The following PDCD1LG2 variants were observed in gnomAD, a reference collection of about 807,000 sequenced individuals.
PDCD1LG2 encodes B7 dendritic cell molecule.
PDCD1LG2 carries 32 observed loss-of-function variants against 28.2 expected under a neutral mutation model. The ratio of observed to expected loss-of-function variants is 1.13; its 90% confidence interval spans 0.86 to 1.52. PDCD1LG2 has a LOEUF of 1.52. Among genes scored for constraint, PDCD1LG2 ranks in the 40% most tolerant of loss-of-function variants. The pLI is 0.00. For synonymous variants in PDCD1LG2, 116 were observed against 120.2 expected (o/e 0.97, Z 0.23); for missense variants, 385 against 323.8 (o/e 1.19, Z -1.45).
At chr9:5,557,881 G>A in intron 5 of PDCD1LG2, 129 bp downstream of exon 5, 1 of 1,163,736 alleles carries the variant, frequency 8.6e-7, no homozygotes, top group Admixed American at 2.2e-5. Flanking sequence ...ACCACTTTGA[G>A]CTTGTCTTGA....
At chr9:5,514,685 G>A (rs1474137743) in intron 1 of PDCD1LG2, among the ~76,000 whole-genome samples, 2 of 146,494 alleles carry the variant, frequency 1.4e-5, no homozygotes, top group East Asian at 4.2e-4. Flanking sequence ...TTGAGGCCAG[G>A]AATTCGAGGC....
At chr9:5,528,066 G>A (rs12337900) in intron 2 of PDCD1LG2, among the ~76,000 whole-genome samples, 19 of 151,756 alleles carry the variant, frequency 1.3e-4, no homozygotes, top group African/African-American at 4.1e-4. Context: ...CTGACCTCAG[G>A]TGATCCACCC....
At chr9:5,529,483 G>A (rs1347658358) in intron 2 of PDCD1LG2, among the ~76,000 whole-genome samples, 2 of 151,912 alleles carry the variant, frequency 1.3e-5, no homozygotes, top group Non-Finnish European at 2.9e-5. Context: ...TCTATTTCTG[G>A]ACTTTTTGTT....
rs573614222 is a variant in PDCD1LG2 at position 5,524,381 on chromosome 9, C to T, written c.55+1780C>T. ...ATTGAATGTTTATTCTGGATATTCA[C>T]AGAATCAAAAAATATGTGTAATGAA... On this transcript the variant is annotated intron_variant, in intron 2 of 6. Transcript: ENST00000397747. Among the ~76,000 whole-genome samples, 10 of 152,250 alleles carry T rather than the reference C, an allele frequency of 6.6e-5. No individual in the cohort carries two copies. The South Asian group carries it at 1.5e-3, about 22-fold the overall frequency.
In PDCD1LG2 at chr9:5,534,978, G is replaced by A. The variant is rs201840318; in HGVS notation, c.289G>A (p.Glu97Lys). The change falls in exon 3 of 7, where the codon GAA (glutamate) becomes AAA (lysine). Residue 97 changes from glutamate (E) to lysine (K), a missense_variant. Transcript: ENST00000397747. ...CATACCTCAAGTCCAAGTGAGGGAC[G>A]AAGGACAGTACCAATGCATAATCAT... ...FHIPQVQVRD[E>K]GQYQCIIIYG... The A allele has an allele frequency of 9.3e-6, 15 of 1,614,110 alleles. No individual in the cohort carries two copies. Among genetic ancestry groups the A allele is most frequent in the Admixed American group, 6.7e-5 (4 of 60,028 alleles).
chr9:5,535,042 A>G lies in PDCD1LG2; in HGVS notation c.353A>G (p.Lys118Arg), dbSNP rs1820554446. 1.2e-6 allele frequency: 2 copies of G among 1,605,140 alleles called. No individual in the cohort carries two copies. Among genetic ancestry groups the G allele is most frequent in the Non-Finnish European group, 1.7e-6 (2 of 1,174,740 alleles). ...VAWDYKYLTL[K>R]VKASYRKINT... ...TGGGACTACAAGTACCTGACTCTGA[A>G]AGTCAAAGGTGAGTGGTGTCAAGGA... is the stretch of plus-strand genomic sequence containing the variant. Residue 118 changes from lysine (K) to arginine (R), a missense_variant, in exon 3 of 7, where the codon AAA becomes AGA. Coordinates refer to ENST00000397747, the MANE Select transcript of PDCD1LG2 (RefSeq NM_025239.4).
At chr9:5,559,430 G>T (rs556660044) in intron 5 of PDCD1LG2, among the ~76,000 whole-genome samples, 1 of 152,240 alleles carries the variant, frequency 6.6e-6, no homozygotes, top group East Asian at 1.9e-4. Context: ...CATGGAAAAG[G>T]GTTGAGAACT....
Position 5,524,884 on chromosome 9 carries a change from C to T in PDCD1LG2, c.55+2283C>T, listed in dbSNP as rs751763335. 6.6e-5 allele frequency among the ~76,000 whole-genome samples: 10 copies of T among 152,242 alleles called. No homozygotes were observed. In the East Asian group the frequency reaches 1.9e-3, roughly 29 times the overall value. On this transcript the variant is annotated intron_variant, in intron 2 of 6. Transcript: ENST00000397747. Reference sequence around the variant, plus strand: ...GCAACACTCAGTGCCTGAGACAGAGCTACAGCTATCAGGGTGTCCAGACAG... The same window carrying T: ...GCAACACTCAGTGCCTGAGACAGAGTTACAGCTATCAGGGTGTCCAGACAG...
At chr9:5,534,240 T>C (rs1259232286) in intron 2 of PDCD1LG2, among the ~76,000 whole-genome samples, 1 of 152,176 alleles carries the variant, frequency 6.6e-6, no homozygotes, top group Non-Finnish European at 1.5e-5. Flanking sequence ...GAGGAAGTGA[T>C]ACCTGGCACA....
intron 3 of PDCD1LG2, among the ~76,000 whole-genome samples, chr9:5,546,640 T>C (rs915224865): frequency 5.9e-5 from 9 of 152,174 alleles, no homozygotes; most frequent in African/African-American, 1.9e-4. Flanking sequence ...CTCTATCTGC[T>C]TATGTTGCAC....
At chr9:5,519,659 G>A (rs1158590626) in intron 1 of PDCD1LG2, among the ~76,000 whole-genome samples, 1 of 152,158 alleles carries the variant, frequency 6.6e-6, no homozygotes, top group Non-Finnish European at 1.5e-5. Flanking sequence ...CTGCATTGAT[G>A]ACTCCTAAAT....
intron 5 of PDCD1LG2, among the ~76,000 whole-genome samples, chr9:5,561,960 C>G (rs931586705): frequency 4.6e-5 from 7 of 152,170 alleles, no homozygotes; most frequent in African/African-American, 1.7e-4. Flanking sequence ...AACCATTGGG[C>G]TCCTTTCAAA....
At chr9:5,511,545 T>C (rs916858543) in intron 1 of PDCD1LG2, among the ~76,000 whole-genome samples, 2 of 152,180 alleles carry the variant, frequency 1.3e-5, no homozygotes, top group Non-Finnish European at 1.5e-5. Flanking sequence ...AAAAATACTA[T>C]GGCTCTGAGG....
chr9:5,558,092 A>G (rs1816483069), intron 5 of PDCD1LG2, among the ~76,000 whole-genome samples: 1 of 152,092 alleles, frequency 6.6e-6, no homozygotes, highest in African/African-American at 2.4e-5. Context: ...TGCTGGTGGG[A>G]GGTTGCCAGG....
Position 5,569,861 on chromosome 9 carries a change from A to G in PDCD1LG2, c.817-93A>G. The G allele has an allele frequency of 7.5e-7, 1 of 1,326,928 alleles. No homozygotes were observed. The allele number at this position is 1,326,928 out of a possible 1,614,324, so 82.2% of individuals were successfully genotyped here. On this transcript the variant is annotated intron_variant, in intron 6 of 6. Transcript: ENST00000397747. The surrounding 1 kb of genome is among the most constrained non-coding windows in gnomAD (Gnocchi z 4.1). ...GGCTTCCAGCTAGATGAACTTTTTT[A>G]AAAAAATTAGTTCCTCACTCAAATT...
chr9:5,548,537 T>A (rs1465293714), intron 3 of PDCD1LG2, among the ~76,000 whole-genome samples: 1 of 152,236 alleles, frequency 6.6e-6, no homozygotes, highest in Non-Finnish European at 1.5e-5. Context: ...TGCTGGATCA[T>A]GTGGTCATTC....
intron 4 of PDCD1LG2, 143 bp from the exon 5 acceptor site, chr9:5,557,475 C>T (rs1816467839): frequency 1.1e-6 from 1 of 937,588 alleles, no homozygotes; most frequent in African/African-American, 1.7e-5. Flanking sequence ...CTGATAGGTG[C>T]AGAGCACTTA....
chr9:5,533,045 G>C (rs1025845276), intron 2 of PDCD1LG2, among the ~76,000 whole-genome samples: 3 of 152,144 alleles, frequency 2.0e-5, no homozygotes, highest in African/African-American at 7.2e-5. Flanking sequence ...ATGCTCTTCC[G>C]TATCACATTT....
intron 6 of PDCD1LG2, among the ~76,000 whole-genome samples, chr9:5,565,227 G>C (rs191836448): frequency 6.6e-6 from 1 of 152,092 alleles, no homozygotes; most frequent in Non-Finnish European, 1.5e-5. Flanking sequence ...CTATCACCCA[G>C]GTTGGAGTGC....
Sources: gnomAD v4.1 joint callset for allele counts (sites outside exome capture counted in the v4.1 genomes callset) on GRCh38, gnomAD v4.1.1 for gene constraint, Gnocchi (gnomAD v3.1) non-coding constraint, MANE v1.5 for transcripts, NCBI Gene and HGNC (gene_info 2026-07-23, HGNC 2026-07-21) for gene names.